The following PDE1C variants were observed in gnomAD, a reference collection of about 807,000 sequenced individuals.
PDE1C encodes the protein dual specificity calcium/calmodulin-dependent 3',5'-cyclic nucleotide phosphodiesterase 1C.
In PDE1C, 62 loss-of-function variants were observed where a neutral mutation model predicts 93.1. The observed-to-expected ratio is 0.67, with a 90% CI of 0.54 to 0.82. PDE1C has a LOEUF of 0.82. PDE1C is among the 40% of genes least tolerant of loss of function. PDE1C has a pLI of 0.00. For missense variants in PDE1C, 742 were observed against 884.6 expected (o/e 0.84, Z 2.04); for synonymous variants, 325 against 310.1 (o/e 1.05, Z -0.50).
intron 1 of PDE1C, among the ~76,000 whole-genome samples, chr7:32,281,571 C>G (rs75765931): frequency 2.0e-5 from 3 of 152,084 alleles, no homozygotes; most frequent in Non-Finnish European, 2.9e-5. Flanking sequence ...CAGAGTGAGA[C>G]CTTGCCTATA....
At position 32,420,122 on chromosome 7, in the gene PDE1C, T is replaced by TAC. The variant is rs1210571351; in HGVS notation, c.310+7699_310+7700insGT. Among the ~76,000 whole-genome samples, 179 of 19,546 alleles carry TAC rather than the reference T, an allele frequency of 9.2e-3. 13 individuals are homozygous for TAC. Among genetic ancestry groups the TAC allele is most frequent in the Non-Finnish European group, 0.015 (138 of 8,918 alleles). The allele number at this position is 19,546 out of a possible 152,430, so 12.8% of individuals were successfully genotyped here. ...ATATATATATATATATATATATATA[T>TAC]ATACACACACACACACACACACACA... On this transcript the variant is annotated intron_variant, in intron 1 of 1. Coordinates refer to the PDE1C transcript ENST00000672256.
intron 2 of PDE1C, among the ~76,000 whole-genome samples, chr7:31,946,393 C>A (rs920256695): frequency 6.6e-6 from 1 of 152,108 alleles, no homozygotes; most frequent in Non-Finnish European, 1.5e-5. Flanking sequence ...TAAAACCCCT[C>A]GTGGCTTGGA....
intron 7 of PDE1C, among the ~76,000 whole-genome samples, chr7:31,852,645 CA>C (rs1026873194): frequency 3.9e-5 from 6 of 152,024 alleles, no homozygotes; most frequent in African/African-American, 1.4e-4. Context: ...GGAAACAAGC[CA>C]GGGGTAGGTG....
intron 7 of PDE1C, among the ~76,000 whole-genome samples, chr7:31,861,195 C>T (rs1158001629): frequency 2.0e-5 from 3 of 152,142 alleles, no homozygotes; most frequent in Non-Finnish European, 4.4e-5. Flanking sequence ...ATTCTCTTTC[C>T]ATGGCTTCCA....
At chr7:31,619,501 T>C in the PDE1C span, among the ~76,000 whole-genome samples, 1 of 151,916 alleles carries the variant, frequency 6.6e-6, no homozygotes, top group Non-Finnish European at 1.5e-5. Context: ...CATAGCATTT[T>C]GATAAGAATA....
rs141168699 is a variant in PDE1C at position 32,115,782 on chromosome 7, CTCT to C, written c.308+54000_308+54002del. Among the ~76,000 whole-genome samples the C allele has an allele frequency of 5.1e-3, 784 of 152,252 alleles. 5 individuals carry two copies. Among genetic ancestry groups the C allele is most frequent in the African/African-American group, 0.018 (759 of 41,564 alleles). On this transcript the variant is annotated intron_variant, in intron 3 of 18. Coordinates refer to the PDE1C transcript ENST00000396193. ...CCCAATTCCTTTGCCCTTTTAGCTT[CTCT>C]TCTTTGTCCCCAGCTCTCTGAGGAA...
intron 1 of PDE1C, among the ~76,000 whole-genome samples, chr7:32,291,589 A>G (rs1812329590): frequency 6.6e-6 from 1 of 152,246 alleles, no homozygotes; most frequent in Non-Finnish European, 1.5e-5. Context: ...AAACGTCACT[A>G]TAAGTAAGAA....
At chr7:31,964,394 C>G (rs1166909408) in intron 2 of PDE1C, among the ~76,000 whole-genome samples, 1 of 152,228 alleles carries the variant, frequency 6.6e-6, no homozygotes, top group Non-Finnish European at 1.5e-5. Context: ...TGCAAGGCAG[C>G]AGTGAGGCTG....
chr7:31,759,046 G>A (rs2128604539), intron 17 of PDE1C, among the ~76,000 whole-genome samples: 1 of 152,334 alleles, frequency 6.6e-6, no homozygotes, highest in Non-Finnish European at 1.5e-5. Flanking sequence ...ACTGCAAATA[G>A]AGTTGAACCT....
chr7:31,905,539 T>G (rs1476887372), intron 2 of PDE1C, among the ~76,000 whole-genome samples: 1 of 152,210 alleles, frequency 6.6e-6, no homozygotes, highest in Non-Finnish European at 1.5e-5. Flanking sequence ...CAATGGAAAC[T>G]ATACAATTTA....
intron 3 of PDE1C, among the ~76,000 whole-genome samples, chr7:32,133,868 A>C (rs1339362293): frequency 6.6e-6 from 1 of 152,162 alleles, no homozygotes; most frequent in Non-Finnish European, 1.5e-5. Context: ...AACCGTGCTT[A>C]TGGAAATAAA....
chr7:31,832,092 A>T (rs1790487029), intron 11 of PDE1C, among the ~76,000 whole-genome samples: 1 of 152,186 alleles, frequency 6.6e-6, no homozygotes, highest in Non-Finnish European at 1.5e-5. Context: ...GATAAAAATA[A>T]AAAGGCCAGT....
chr7:32,056,359 T>A (rs866597800), intron 1 of PDE1C, among the ~76,000 whole-genome samples: 5 of 127,926 alleles, frequency 3.9e-5, no homozygotes, highest in South Asian at 2.7e-4. Context: ...TCTCTCTCTC[T>A]CTCACTGAAA....
At chr7:32,305,930 T>C (rs1173430648) in intron 1 of PDE1C, among the ~76,000 whole-genome samples, 1 of 152,228 alleles carries the variant, frequency 6.6e-6, no homozygotes, top group Non-Finnish European at 1.5e-5. Context: ...CACCCAAATC[T>C]CATCTTGAAT....
chr7:31,672,553 C>CT, the PDE1C span, among the ~76,000 whole-genome samples: 1 of 151,030 alleles, frequency 6.6e-6, no homozygotes, highest in Non-Finnish European at 1.5e-5. Context: ...TCTCTGATTT[C>CT]TTTTTTTTCT....
intron 1 of PDE1C, among the ~76,000 whole-genome samples, chr7:32,323,051 G>A (rs879429986): frequency 1.2e-4 from 18 of 152,194 alleles, no homozygotes; most frequent in Non-Finnish European, 2.2e-4. Flanking sequence ...ATACAGGGGT[G>A]GGGAGAGATT....
intron 2 of PDE1C, among the ~76,000 whole-genome samples, chr7:31,990,673 T>C (rs554535984): frequency 6.6e-6 from 1 of 152,314 alleles, no homozygotes; most frequent in African/African-American, 2.4e-5. Context: ...AGAGATACTT[T>C]TCACAACCAA....
At position 32,231,266 on chromosome 7, in the gene PDE1C, G is replaced by A. The variant is rs149412851; in HGVS notation, c.86-21727C>T. ...ATTTGCAATAGTGTTCTGGGAAGATGTTCACCAGCTTAGAGTAACTGAGAG... is the reference window on the plus strand; with the variant it reads ...ATTTGCAATAGTGTTCTGGGAAGATATTCACCAGCTTAGAGTAACTGAGAG... On this transcript the variant is annotated intron_variant, in intron 1 of 18. Coordinates refer to the PDE1C transcript ENST00000396193. Among the ~76,000 whole-genome samples the A allele has an allele frequency of 5.7e-3, 872 of 152,174 alleles. 4 individuals carry two copies. Among genetic ancestry groups the A allele is most frequent in the African/African-American group, 0.02 (834 of 41,510 alleles).
chr7:32,047,310 C>T (rs775274578), intron 2 of PDE1C, among the ~76,000 whole-genome samples: 5 of 152,076 alleles, frequency 3.3e-5, no homozygotes, highest in Non-Finnish European at 7.4e-5. Flanking sequence ...CCTCTCTAGC[C>T]GTCAAATTAC....
Sources: gnomAD v4.1 joint callset for allele counts (sites outside exome capture counted in the v4.1 genomes callset) on GRCh38, gnomAD v4.1.1 for gene constraint, MANE v1.5 for transcripts, NCBI Gene and HGNC (gene_info 2026-07-23, HGNC 2026-07-21) for gene names.